Variants in LRRIQ1 observed in about 807,000 individuals in gnomAD.
The protein encoded by LRRIQ1 is leucine rich repeats and IQ motif containing 1, also known as leucine-rich repeat- and IQ domain-containing protein 1.
A neutral mutation model predicts 211.9 loss-of-function variants in LRRIQ1; 210 were observed. That is an observed-to-expected ratio of 0.99 (90% confidence interval 0.89 to 1.11). The LOEUF (loss-of-function observed/expected upper bound fraction) is 1.11. LRRIQ1 is among the 50% of genes most tolerant of loss of function. LRRIQ1 has a pLI of 0.00. For synonymous variants in LRRIQ1, 699 were observed against 650.1 expected, an observed-to-expected ratio of 1.08 and a Z score of -1.14; for missense variants, 2,136 against 1,939.5, an observed-to-expected ratio of 1.10 and a Z score of -1.90.
intron 13 of LRRIQ1, among the ~76,000 whole-genome samples, chr12:85,103,771 A>G (rs897127774): frequency 6.6e-6 from 1 of 151,668 alleles, no homozygotes; most frequent in African/African-American, 2.4e-5. Context: ...TACAAAATGA[A>G]TAGAAGTCTT....
chr12:85,250,307 T>C (rs760395730), intron 1 of LRRIQ1, among the ~76,000 whole-genome samples: 3 of 151,838 alleles, frequency 2.0e-5, no homozygotes, highest in Non-Finnish European at 2.9e-5. Flanking sequence ...AACCCTGGCA[T>C]TTATAAGCCT....
At chr12:85,069,658 T>C (rs1882854430) in intron 10 of LRRIQ1, among the ~76,000 whole-genome samples, 1 of 152,108 alleles carries the variant, frequency 6.6e-6, no homozygotes, top group Non-Finnish European at 1.5e-5. Flanking sequence ...TGGTATCTCA[T>C]TGTGATTTTG....
rs539688376 is a variant in LRRIQ1 at position 85,111,945 on chromosome 12, TACACACAC to T, written c.3377+5347_3377+5354del. 5.1e-3 allele frequency among the ~76,000 whole-genome samples: 761 copies of T among 148,172 alleles called. 3 individuals are homozygous for T. The highest frequency in any genetic ancestry group is 0.042 in the Middle Eastern group (12 of 286). ...TGGTATTAGACATTTTATATATATATACACACACACACACACACACACACTCTCTCTCT... is the reference window on the plus strand; with the variant it reads ...TGGTATTAGACATTTTATATATATATACACACACACACACACTCTCTCTCT... On this transcript the variant is annotated intron_variant, in intron 15 of 26. Transcript: ENST00000393217.
chr12:85,222,482 A>G (rs1025418827), intron 24 of LRRIQ1, among the ~76,000 whole-genome samples: 1 of 152,224 alleles, frequency 6.6e-6, no homozygotes, highest in African/African-American at 2.4e-5. Flanking sequence ...GAATAATACT[A>G]TAGAGAAGTC....
chr12:85,249,523 C>T (rs1895839033), downstream of LRRIQ1, among the ~76,000 whole-genome samples: 1 of 151,632 alleles, frequency 6.6e-6, no homozygotes. Context: ...TTATATAAAC[C>T]ACACATCATG....
intron 11 of LRRIQ1, among the ~76,000 whole-genome samples, chr12:85,083,193 A>C (rs1884475430): frequency 6.6e-6 from 1 of 152,182 alleles, no homozygotes; most frequent in African/African-American, 2.4e-5. Flanking sequence ...CTGAGGCTGC[A>C]GAAATGGATT....
At chr12:85,224,743 G>T (rs1434252304) in intron 24 of LRRIQ1, among the ~76,000 whole-genome samples, 1 of 137,614 alleles carries the variant, frequency 7.3e-6, no homozygotes, top group Non-Finnish European at 1.6e-5. Flanking sequence ...GAGGGGTGGG[G>T]GGGCTAGGGG....
chr12:85,153,666 A>G lies in LRRIQ1; in HGVS notation c.4545A>G (p.Ser1515=). The part of the protein sequence containing the change: ...SSEHTQFNSR[S]ENKTSSWTPE... ...AGTGGTTTTTTTCTATTGCCAGATCAGAAAATAAAACTTCTTCCTGGACAC... is the reference window on the plus strand; with the variant it reads ...AGTGGTTTTTTTCTATTGCCAGATCGGAAAATAAAACTTCTTCCTGGACAC... Residue 1515 remains serine (S), a synonymous_variant, in exon 22 of 27, where the codon TCA becomes TCG. Coordinates refer to ENST00000393217, the MANE Select transcript of LRRIQ1 (RefSeq NM_001079910.2). The G allele has an allele frequency of 6.3e-7, 1 of 1,577,650 alleles. No homozygotes were observed. The highest frequency in any genetic ancestry group is 1.2e-5 in the South Asian group (1 of 84,508).
rs917331741 is a variant in LRRIQ1 at position 85,123,991 on chromosome 12, G to A, written c.3558-79G>A. On this transcript the variant is annotated intron_variant, in intron 16 of 26. Transcript: ENST00000393217. ...TAATATTCATTTGAGGCCATACAGT[G>A]AAATTTTCAAAACTTGCACAAGTTT... 17 of 1,016,478 alleles carry A rather than the reference G, an allele frequency of 1.7e-5. No individual in the cohort carries two copies. In the African/African-American group the frequency reaches 2.3e-4, roughly 14 times the overall value. 63.0% of individuals were successfully genotyped at this position (1,016,478 alleles called of 1,614,324 possible). A position where few individuals can be genotyped will look rare whatever the true frequency, so the allele number is the denominator to read the frequency against.
chr12:85,230,603 T>C (rs1894885228), intron 25 of LRRIQ1, among the ~76,000 whole-genome samples: 1 of 152,174 alleles, frequency 6.6e-6, no homozygotes, highest in Admixed American at 6.5e-5. Context: ...ATCCAGCCCC[T>C]AACAATATGA....
At chr12:85,157,333 T>TA (rs1411425483) in intron 23 of LRRIQ1, among the ~76,000 whole-genome samples, 8 of 151,854 alleles carry the variant, frequency 5.3e-5, no homozygotes, top group Non-Finnish European at 1.2e-4. Flanking sequence ...AGCTACACGG[T>TA]AAAATCTAAA....
intron 13 of LRRIQ1, among the ~76,000 whole-genome samples, chr12:85,102,981 TA>T (rs1288749876): frequency 2.1e-5 from 3 of 142,478 alleles, no homozygotes; most frequent in African/African-American, 7.7e-5. Context: ...TATATATATA[TA>T]TATATTTTAC....
intron 15 of LRRIQ1, among the ~76,000 whole-genome samples, chr12:85,118,856 A>G (rs926324946): frequency 6.6e-6 from 1 of 152,004 alleles, no homozygotes; most frequent in Non-Finnish European, 1.5e-5. Flanking sequence ...TTTTTTAATT[A>G]ATAAAATTTA....
intron 24 of LRRIQ1, among the ~76,000 whole-genome samples, chr12:85,189,962 G>A (rs1892415426): frequency 7.2e-6 from 1 of 138,968 alleles, no homozygotes; most frequent in African/African-American, 2.6e-5. Context: ...ATATTAATAT[G>A]TAACATATAG....
intron 24 of LRRIQ1, among the ~76,000 whole-genome samples, chr12:85,174,540 C>CAA (rs112120416): frequency 6.7e-5 from 9 of 134,516 alleles, no homozygotes; most frequent in South Asian, 2.3e-4. Context: ...ACTAAAAATA[C>CAA]AAAAAAAAAA....
chr12:85,050,682 A>G (rs944561647), intron 6 of LRRIQ1, among the ~76,000 whole-genome samples: 2 of 152,158 alleles, frequency 1.3e-5, no homozygotes, highest in African/African-American at 2.4e-5. Context: ...GATATTTACT[A>G]TATTCTCTAA....
chr12:85,192,947 T>A (rs1892654562), intron 24 of LRRIQ1, among the ~76,000 whole-genome samples: 3 of 86,680 alleles, frequency 3.5e-5, no homozygotes, highest in Non-Finnish European at 6.1e-5. Context: ...TATATATAAA[T>A]ATATAATTAT....
intron 5 of LRRIQ1, among the ~76,000 whole-genome samples, chr12:85,046,905 A>G (rs1397207073): frequency 1.3e-5 from 2 of 152,042 alleles, no homozygotes; most frequent in African/African-American, 4.8e-5. Context: ...TGCAAGGACA[A>G]AAAACCAAAA....
intron 11 of LRRIQ1, among the ~76,000 whole-genome samples, chr12:85,094,855 C>G (rs941363230): frequency 1.3e-5 from 2 of 151,352 alleles, no homozygotes; most frequent in African/African-American, 2.4e-5. Flanking sequence ...TAGGTGTGTA[C>G]GTGTGTGTTT....
Sources: allele counts gnomAD v4.1 joint callset (sites outside exome capture counted in the v4.1 genomes callset), GRCh38; gene constraint gnomAD v4.1.1; transcripts MANE v1.5; gene names NCBI Gene and HGNC (gene_info 2026-07-23, HGNC 2026-07-21).